The following CSMD1 variants were observed in gnomAD, a reference collection of about 807,000 sequenced individuals.
CSMD1 encodes the protein CUB and sushi domain-containing protein 1.
A neutral mutation model predicts 417.5 loss-of-function variants in CSMD1; 213 were observed. That is an observed-to-expected ratio of 0.51 (90% CI 0.46 to 0.57). CSMD1 has a LOEUF of 0.57. CSMD1 is among the 20% of genes least tolerant of loss of function. The pLI, the probability that CSMD1 is intolerant of heterozygous loss-of-function variation, is 0.00. For missense variants in CSMD1, 6,923 were observed against 4,529.7 expected (o/e 1.53, Z -15.17); for synonymous variants, 2,862 against 1,736.8 (o/e 1.65, Z -16.11).
intron 5 of CSMD1, among the ~76,000 whole-genome samples, chr8:3,816,320 C>G (rs574439991): frequency 1.6e-3 from 248 of 152,254 alleles, no homozygotes; most frequent in African/African-American, 5.2e-3. Flanking sequence ...GCTGTGTTTT[C>G]AGCTACCCAC....
chr8:4,941,161 A>G (rs1392999480), intron 1 of CSMD1, among the ~76,000 whole-genome samples: 1 of 152,236 alleles, frequency 6.6e-6, no homozygotes, highest in African/African-American at 2.4e-5. Flanking sequence ...GGATCACTCA[A>G]TAAATATTAA....
At chr8:4,694,530 T>G (rs370644421) in intron 1 of CSMD1, among the ~76,000 whole-genome samples, 85 of 151,632 alleles carry the variant, frequency 5.6e-4, no homozygotes, top group African/African-American at 1.4e-3. Context: ...TAATTTTTTT[T>G]GGGGGGGTAT....
At chr8:4,015,061 C>G (rs2554603) in intron 4 of CSMD1, among the ~76,000 whole-genome samples, 3 of 151,856 alleles carry the variant, frequency 2.0e-5, no homozygotes, top group Admixed American at 6.6e-5. Flanking sequence ...AATTTTGATA[C>G]GATTTACACT....
At chr8:3,949,430 G>A (rs9987336) in intron 5 of CSMD1, among the ~76,000 whole-genome samples, 1 of 152,102 alleles carries the variant, frequency 6.6e-6, no homozygotes, top group African/African-American at 2.4e-5. Flanking sequence ...GAGGTATATA[G>A]AAGCTCTAAC....
intron 3 of CSMD1, among the ~76,000 whole-genome samples, chr8:4,101,634 C>T (rs575751679): frequency 2.2e-4 from 34 of 152,276 alleles, no homozygotes; most frequent in South Asian, 1.0e-3. Context: ...AGTACCTTGG[C>T]TCATTTTAAA....
chr8:3,975,209 A>G (rs10448106), intron 5 of CSMD1, among the ~76,000 whole-genome samples: 37,777 of 152,114 alleles, frequency 0.25, 4,820 homozygotes, highest in East Asian at 0.4. Context: ...TTATTGTTAC[A>G]TAATTGATTA....
intron 1 of CSMD1, among the ~76,000 whole-genome samples, chr8:4,791,171 C>G (rs1379822120): frequency 6.6e-6 from 1 of 152,030 alleles, no homozygotes; most frequent in Non-Finnish European, 1.5e-5. Flanking sequence ...GGAGATAAGC[C>G]AAGAAAACAG....
chr8:3,628,113 G>C (rs748631470), intron 7 of CSMD1, among the ~76,000 whole-genome samples: 6 of 152,180 alleles, frequency 3.9e-5, no homozygotes, highest in Non-Finnish European at 5.9e-5. Flanking sequence ...AAGACCGGCA[G>C]TGTTGCAGGA....
intron 3 of CSMD1, among the ~76,000 whole-genome samples, chr8:4,090,820 C>T (rs754983211): frequency 2.0e-5 from 3 of 151,474 alleles, no homozygotes; most frequent in African/African-American, 4.9e-5. Context: ...TTCTTTAAGT[C>T]GAATGAAAAA....
At position 4,699,408 on chromosome 8, in the gene CSMD1, T is replaced by C. The variant is rs1807366026; in HGVS notation, c.86-61850A>G. ...ACCTTGTACTGATCACTCTATCATC[T>C]TTTAATGCCTGTTCTATTGTCAAGA... On this transcript the variant is annotated intron_variant, in intron 1 of 69. Coordinates refer to ENST00000635120, the MANE Select transcript of CSMD1 (RefSeq NM_033225.6). 2.6e-5 allele frequency among the ~76,000 whole-genome samples: 4 copies of C among 152,200 alleles called. No individual in the cohort carries two copies. The South Asian group carries it at 6.2e-4, about 24-fold the overall frequency.
At chr8:3,534,973 C>G (rs1445688182) in intron 10 of CSMD1, among the ~76,000 whole-genome samples, 1 of 152,142 alleles carries the variant, frequency 6.6e-6, no homozygotes, top group Non-Finnish European at 1.5e-5. Flanking sequence ...TTATTGACAG[C>G]ATCTGGCTTT....
At chr8:3,790,544 G>A (rs1271985913) in intron 5 of CSMD1, among the ~76,000 whole-genome samples, 1 of 152,184 alleles carries the variant, frequency 6.6e-6, no homozygotes, top group Non-Finnish European at 1.5e-5. Context: ...AATAACAACA[G>A]AAACTTAGAC....
At chr8:3,545,551 T>G (rs908653190) in intron 10 of CSMD1, among the ~76,000 whole-genome samples, 1 of 152,068 alleles carries the variant, frequency 6.6e-6, no homozygotes, top group Non-Finnish European at 1.5e-5. Context: ...TAATGTGATG[T>G]AGACTACAAA....
At chr8:3,978,692 C>T (rs1813627921) in intron 5 of CSMD1, among the ~76,000 whole-genome samples, 1 of 152,128 alleles carries the variant, frequency 6.6e-6, no homozygotes, top group South Asian at 2.1e-4. Context: ...CCCGGCTCTA[C>T]TTATCACTAA....
In CSMD1 at chr8:4,542,716, T is replaced by A. The variant is rs141792388; in HGVS notation, c.302+94626A>T. Among the ~76,000 whole-genome samples the A allele has an allele frequency of 1.3e-3, 199 of 152,266 alleles. 1 individual carries two copies. The highest frequency in any genetic ancestry group is 4.7e-3 in the African/African-American group (194 of 41,560). ...TTGAATCTATTTAAATTAGGGAACA[T>A]ATAATTCAATGGATGGTCATGAAAA... On this transcript the variant is annotated intron_variant, in intron 2 of 69. Coordinates refer to ENST00000635120, the MANE Select transcript of CSMD1 (RefSeq NM_033225.6).
intron 1 of CSMD1, among the ~76,000 whole-genome samples, chr8:4,950,140 TG>T (rs1808643691): frequency 2.6e-5 from 4 of 152,182 alleles, no homozygotes; most frequent in African/African-American, 9.6e-5. Context: ...TATATGTCTA[TG>T]TTCCCATGTA....
intron 41 of CSMD1, among the ~76,000 whole-genome samples, chr8:3,137,006 T>C (rs1338811592): frequency 6.6e-6 from 1 of 152,212 alleles, no homozygotes; most frequent in African/African-American, 2.4e-5. Flanking sequence ...ATGGGGTACA[T>C]AGTGATGTTT....
intron 21 of CSMD1, among the ~76,000 whole-genome samples, chr8:3,358,814 G>A (rs1563308017): frequency 6.6e-6 from 1 of 151,804 alleles, no homozygotes; most frequent in South Asian, 2.1e-4. Context: ...TTATAGCTTG[G>A]CTTCTATCTT....
At chr8:4,519,582 A>G (rs1411035157) in intron 2 of CSMD1, among the ~76,000 whole-genome samples, 2 of 151,142 alleles carry the variant, frequency 1.3e-5, no homozygotes, top group Non-Finnish European at 2.9e-5. Context: ...TCTACTAAAA[A>G]CACCAAAATT....
Sources: gnomAD v4.1 joint callset for allele counts (sites outside exome capture counted in the v4.1 genomes callset) on GRCh38, gnomAD v4.1.1 for gene constraint, MANE v1.5 for transcripts, NCBI Gene and HGNC (gene_info 2026-07-23, HGNC 2026-07-21) for gene names.